The following RARB variants were observed in gnomAD, a reference collection of about 807,000 sequenced individuals.
RARB encodes HBV-activated protein.
In RARB, 17 loss-of-function variants were observed where a neutral mutation model predicts 51.9. The ratio of observed to expected loss-of-function variants is 0.33; its 90% CI spans 0.22 to 0.49. The LOEUF is 0.49. Ranked by LOEUF, RARB falls within the 20% of genes least tolerant of loss-of-function variation. The probability of loss-of-function intolerance (pLI) is 0.99; values close to 1 mark genes in which losing one functional copy is unlikely to be tolerated. For synonymous variants in RARB, 215 were observed against 195.4 expected, an observed-to-expected ratio of 1.10 and a Z score of -0.84; for missense variants, 369 against 550.8, an observed-to-expected ratio of 0.67 and a Z score of 3.30.
intron 3 of RARB, among the ~76,000 whole-genome samples, chr3:25,127,028 C>G (rs1445959677): frequency 1.3e-5 from 2 of 152,150 alleles, no homozygotes; most frequent in Non-Finnish European, 2.9e-5. Flanking sequence ...CTCTCCATCT[C>G]TGCCACACCA....
intron 2 of RARB, among the ~76,000 whole-genome samples, chr3:25,495,333 T>C (rs1177633675): frequency 6.6e-6 from 1 of 152,204 alleles, no homozygotes; most frequent in African/African-American, 2.4e-5. Flanking sequence ...CCTTTCTTGA[T>C]TTGTGATTTA....
At chr3:25,123,585 T>A (rs1168231022) in intron 3 of RARB, among the ~76,000 whole-genome samples, 3 of 152,200 alleles carry the variant, frequency 2.0e-5, no homozygotes, top group African/African-American at 7.2e-5. Context: ...TCATATAACC[T>A]AACACCTAAT....
Position 24,960,225 on chromosome 3 carries a change from C to CTT in RARB, c.-379-99898_-379-99897dup, listed in dbSNP as rs144455763. ...AAATTGGAGTTTTTAGGGCACACAT[C>CTT]TTTGAATATCAGATGGTTGCCTTTA... On this transcript the variant is annotated intron_variant, in intron 2 of 11. Coordinates refer to the RARB transcript ENST00000383772. Among the ~76,000 whole-genome samples, 147 of 152,268 alleles carry CTT rather than the reference C, an allele frequency of 9.7e-4. 2 individuals carry two copies. Among genetic ancestry groups the CTT allele is most frequent in the Admixed American group, 5.0e-3 (77 of 15,294 alleles).
In RARB at chr3:25,106,881, CTGTT is replaced by C. The variant is rs533960630; in HGVS notation, c.-327-25276_-327-25273del. Among the ~76,000 whole-genome samples the C allele has an allele frequency of 2.0e-4, 29 of 143,966 alleles. No homozygotes were observed. The South Asian group carries it at 5.1e-3, about 25-fold the overall frequency. 94.4% of individuals were successfully genotyped at this position (143,966 alleles called of 152,430 possible). ...CTCCAGATTCCATTTTTTTCTAAAACTGTTTGTGTTCCTTCTGCATTTTTTTTTG... is the reference window on the plus strand; with the variant it reads ...CTCCAGATTCCATTTTTTTCTAAAACTGTGTTCCTTCTGCATTTTTTTTTG... On this transcript the variant is annotated intron_variant, in intron 3 of 11. Transcript: ENST00000383772.
intron 2 of RARB, among the ~76,000 whole-genome samples, chr3:24,860,152 G>C (rs1001856191): frequency 1.3e-5 from 2 of 152,144 alleles, no homozygotes; most frequent in Non-Finnish European, 2.9e-5. Flanking sequence ...TGTCAGAGGG[G>C]TTAGTGCCTC....
At chr3:25,472,309 G>A (rs75516000) in intron 2 of RARB, among the ~76,000 whole-genome samples, 5,088 of 152,262 alleles carry the variant, frequency 0.033, 127 homozygotes, top group Non-Finnish European at 0.047. Context: ...AAAAGAGAGC[G>A]TGGGGGAGGC....
intron 4 of RARB, among the ~76,000 whole-genome samples, chr3:25,166,976 T>C (rs894522965): frequency 2.6e-5 from 4 of 152,254 alleles, no homozygotes; most frequent in Non-Finnish European, 5.9e-5. Flanking sequence ...GGCATGTCCA[T>C]AATGGCAGGT....
At chr3:25,049,053 C>T (rs112365589) in intron 2 of RARB, among the ~76,000 whole-genome samples, 1 of 152,270 alleles carries the variant, frequency 6.6e-6, no homozygotes, top group Non-Finnish European at 1.5e-5. Flanking sequence ...CGCCCAGCTC[C>T]AAGACCACTT....
chr3:25,133,964 A>T (rs1409180356), intron 4 of RARB, among the ~76,000 whole-genome samples: 1 of 89,454 alleles, frequency 1.1e-5, no homozygotes, highest in Non-Finnish European at 2.4e-5. Context: ...TGTTTTCATT[A>T]AAAAAAAAAA....
chr3:24,976,529 A>G (rs1475108244), intron 2 of RARB, among the ~76,000 whole-genome samples: 2 of 152,172 alleles, frequency 1.3e-5, no homozygotes, highest in African/African-American at 2.4e-5. Context: ...AGCGATGATG[A>G]GCATTTTTTC....
chr3:24,985,805 C>A (rs1296636862), intron 2 of RARB, among the ~76,000 whole-genome samples: 1 of 152,218 alleles, frequency 6.6e-6, no homozygotes, highest in Non-Finnish European at 1.5e-5. Flanking sequence ...AGATATGTCA[C>A]TGCGCTGAGG....
chr3:24,910,156 C>T (rs551718605), intron 2 of RARB, among the ~76,000 whole-genome samples: 1 of 152,130 alleles, frequency 6.6e-6, no homozygotes, highest in East Asian at 1.9e-4. Flanking sequence ...TTTACTCCAC[C>T]ATGTTTCTAT....
rs117935193 is a variant in RARB at position 25,008,893 on chromosome 3, T to G, written c.-379-51232T>G. 5.3e-4 allele frequency among the ~76,000 whole-genome samples: 81 copies of G among 152,270 alleles called. 2 individuals are homozygous for G. The East Asian group carries it at 0.014, about 27-fold the overall frequency. ...CTTTTGTATGCTTCACACACTGATA[T>G]TTTTCATCTCCAGGTTTTCATTATG... is the stretch of plus-strand genomic sequence containing the variant. On this transcript the variant is annotated intron_variant, in intron 2 of 11. Transcript: ENST00000383772.
chr3:24,852,260 A>T (rs1041329685), intron 1 of RARB, among the ~76,000 whole-genome samples: 11 of 152,228 alleles, frequency 7.2e-5, no homozygotes, highest in African/African-American at 2.7e-4. Flanking sequence ...ACATTTCAAC[A>T]TTAAGAGTGA....
Position 24,992,545 on chromosome 3 carries a change from G to T in RARB, c.-379-67580G>T, listed in dbSNP as rs530329294. 2.0e-5 allele frequency among the ~76,000 whole-genome samples: 3 copies of T among 152,254 alleles called. No individual in the cohort carries two copies. In the South Asian group the frequency reaches 6.2e-4, roughly 32 times the overall value. ...GCTATAAATTGTGTTAGTTTGCTAG[G>T]GCTGCCATACAAACTACCAGAGTCT... On this transcript the variant is annotated intron_variant, in intron 2 of 11. Transcript: ENST00000383772.
At chr3:25,242,667 A>AT (rs2125396952) in intron 5 of RARB, among the ~76,000 whole-genome samples, 1 of 152,114 alleles carries the variant, frequency 6.6e-6, no homozygotes, top group East Asian at 1.9e-4. Context: ...ATTGGTCTAT[A>AT]TATCTGTTTT....
At chr3:25,189,058 C>A (rs1287165976) in intron 5 of RARB, among the ~76,000 whole-genome samples, 1 of 152,122 alleles carries the variant, frequency 6.6e-6, no homozygotes, top group Non-Finnish European at 1.5e-5. Context: ...AAAATGAAGT[C>A]ATCCAGGCAT....
chr3:24,912,528 C>T (rs1695011790), intron 2 of RARB, among the ~76,000 whole-genome samples: 1 of 151,990 alleles, frequency 6.6e-6, no homozygotes, highest in Non-Finnish European at 1.5e-5. Flanking sequence ...GAATAGAAAC[C>T]AATGGGTCTG....
intron 5 of RARB, among the ~76,000 whole-genome samples, chr3:25,317,778 A>C (rs1323859742): frequency 1.3e-5 from 2 of 152,202 alleles, no homozygotes; most frequent in Admixed American, 1.3e-4. Context: ...ACTATTAGTA[A>C]AAGAATGTCT....
Sources: allele counts gnomAD v4.1 joint callset (sites outside exome capture counted in the v4.1 genomes callset), GRCh38; gene constraint gnomAD v4.1.1; transcripts MANE v1.5; gene names NCBI Gene and HGNC (gene_info 2026-07-23, HGNC 2026-07-21).